Variants in OSBPL10 observed in about 807,000 individuals in gnomAD.
OSBPL10 encodes oxysterol binding protein like 10.
In OSBPL10, 49 loss-of-function variants were observed where a neutral mutation model predicts 81.7. The ratio of observed to expected loss-of-function variants is 0.60; its 90% CI spans 0.48 to 0.76. The LOEUF is 0.76. Ranked by LOEUF, OSBPL10 falls within the 30% of genes least tolerant of loss-of-function variation. The probability of loss-of-function intolerance (pLI) is 0.00; values close to 1 mark genes in which losing one functional copy is unlikely to be tolerated. For missense variants in OSBPL10, 923 were observed against 987.8 expected (o/e 0.93, Z 0.88); for synonymous variants, 419 against 383.6 (o/e 1.09, Z -1.08).
intron 1 of OSBPL10, among the ~76,000 whole-genome samples, chr3:31,933,278 G>C (rs745692130): frequency 1.6e-4 from 25 of 152,106 alleles, no homozygotes; most frequent in Non-Finnish European, 2.8e-4. Flanking sequence ...GTAAGTTCTC[G>C]ATCCCTTCAG....
intron 2 of OSBPL10, among the ~76,000 whole-genome samples, chr3:31,997,914 A>C (rs1218702677): frequency 6.6e-6 from 1 of 151,982 alleles, no homozygotes; most frequent in Non-Finnish European, 1.5e-5. Flanking sequence ...TAGCCTCCCG[A>C]GTAGCTGGGA....
intron 4 of OSBPL10, among the ~76,000 whole-genome samples, chr3:31,805,446 T>C (rs990030734): frequency 6.6e-6 from 1 of 152,182 alleles, no homozygotes; most frequent in Admixed American, 6.5e-5. Context: ...GAAAGAAAAC[T>C]AGTCAATGCA....
chr3:31,892,205 C>T (rs1436137369), intron 1 of OSBPL10, among the ~76,000 whole-genome samples: 2 of 151,676 alleles, frequency 1.3e-5, no homozygotes, highest in East Asian at 1.9e-4. Context: ...CGTGTATGGC[C>T]CTGAGGACGG....
intron 1 of OSBPL10, among the ~76,000 whole-genome samples, chr3:31,891,693 G>C (rs1379755777): frequency 6.6e-6 from 1 of 152,200 alleles, no homozygotes; most frequent in Non-Finnish European, 1.5e-5. Context: ...GGGGGTGCCA[G>C]TGCCACGGAA....
At chr3:31,664,817 G>A (rs779318666) in intron 10 of OSBPL10, among the ~76,000 whole-genome samples, 8 of 151,896 alleles carry the variant, frequency 5.3e-5, no homozygotes, top group African/African-American at 1.9e-4. Flanking sequence ...CTTATAGTGC[G>A]GGATCTCTCA....
intron 4 of OSBPL10, among the ~76,000 whole-genome samples, chr3:31,772,281 G>C (rs1229063033): frequency 6.6e-6 from 1 of 152,264 alleles, no homozygotes; most frequent in South Asian, 2.1e-4. Context: ...TTGAAAACCA[G>C]CCGTTCCACA....
chr3:31,694,157 G>C (rs898665989), intron 7 of OSBPL10, among the ~76,000 whole-genome samples: 1 of 152,076 alleles, frequency 6.6e-6, no homozygotes, highest in African/African-American at 2.4e-5. Context: ...GATCACCTGA[G>C]GTCAGGAGTT....
intron 1 of OSBPL10, among the ~76,000 whole-genome samples, chr3:31,895,675 T>C (rs1696034238): frequency 6.6e-6 from 1 of 152,168 alleles, no homozygotes; most frequent in Non-Finnish European, 1.5e-5. Context: ...AATGTGAACA[T>C]CTTTAAAACA....
At chr3:31,770,460 G>A (rs1698348440) in intron 4 of OSBPL10, among the ~76,000 whole-genome samples, 1 of 152,132 alleles carries the variant, frequency 6.6e-6, no homozygotes, top group Admixed American at 6.5e-5. Context: ...TCTGACACTT[G>A]CTATGTTTAC....
chr3:32,056,676 A>G (rs1699715159), intron 1 of OSBPL10, among the ~76,000 whole-genome samples: 1 of 152,220 alleles, frequency 6.6e-6, no homozygotes, highest in South Asian at 2.1e-4. Flanking sequence ...ATTCAGCCCG[A>G]AGAAATTACA....
intron 3 of OSBPL10, among the ~76,000 whole-genome samples, chr3:31,857,796 CAGA>C (rs1700955708): frequency 7.1e-4 from 19 of 26,782 alleles, no homozygotes; most frequent in African/African-American, 1.9e-3. Context: ...GGGGGAGAGA[CAGA>C]AAGGGAGAGA....
intron 10 of OSBPL10, among the ~76,000 whole-genome samples, chr3:31,667,929 G>A (rs1700236709): frequency 6.6e-6 from 1 of 152,224 alleles, no homozygotes; most frequent in Non-Finnish European, 1.5e-5. Flanking sequence ...TTAAGTGGCT[G>A]CATTATATTC....
At chr3:31,968,569 T>A (rs920201627) in intron 1 of OSBPL10, among the ~76,000 whole-genome samples, 1 of 151,872 alleles carries the variant, frequency 6.6e-6, no homozygotes, top group Non-Finnish European at 1.5e-5. Flanking sequence ...GATACAAGTT[T>A]GGTCTACTTT....
At chr3:31,682,232 T>G (rs1700667800) in intron 8 of OSBPL10, among the ~76,000 whole-genome samples, 1 of 152,188 alleles carries the variant, frequency 6.6e-6, no homozygotes, top group Non-Finnish European at 1.5e-5. Flanking sequence ...CCAGGGTCTG[T>G]TTTCAACAAA....
At chr3:31,713,240 C>A (rs1374778568) in intron 6 of OSBPL10, among the ~76,000 whole-genome samples, 1 of 152,110 alleles carries the variant, frequency 6.6e-6, no homozygotes, top group Admixed American at 6.5e-5. Context: ...GATCACGCTC[C>A]CCTCCTTGTT....
intron 4 of OSBPL10, among the ~76,000 whole-genome samples, chr3:31,814,324 T>A (rs1699779700): frequency 6.6e-6 from 1 of 152,134 alleles, no homozygotes. Context: ...CCTAAACGAA[T>A]GTCAAAGAAG....
intron 1 of OSBPL10, among the ~76,000 whole-genome samples, chr3:31,929,031 G>C (rs1356503949): frequency 6.6e-6 from 1 of 152,062 alleles, no homozygotes; most frequent in East Asian, 1.9e-4. Context: ...CTTCACACCA[G>C]CTAGAATTAA....
intron 8 of OSBPL10, among the ~76,000 whole-genome samples, chr3:31,674,347 A>G (rs1700399669): frequency 6.6e-6 from 1 of 152,056 alleles, no homozygotes; most frequent in Admixed American, 6.6e-5. Context: ...TGAGCCCAGG[A>G]GTTTGAGACC....
At chr3:31,671,809 C>G (rs1700329481) in intron 8 of OSBPL10, among the ~76,000 whole-genome samples, 1 of 152,128 alleles carries the variant, frequency 6.6e-6, no homozygotes, top group Admixed American at 6.5e-5. Flanking sequence ...AAGACTACCC[C>G]CAAAATACAG....
Sources: allele counts gnomAD v4.1 joint callset (sites outside exome capture counted in the v4.1 genomes callset), GRCh38; gene constraint gnomAD v4.1.1; transcripts MANE v1.5; gene names NCBI Gene and HGNC (gene_info 2026-07-23, HGNC 2026-07-21).